NUP155: variants seen among roughly 807,000 people sequenced by gnomAD.
The protein encoded by NUP155 is nuclear pore complex protein Nup155.
In NUP155, 71 loss-of-function variants were observed where a neutral mutation model predicts 180.4. The observed-to-expected ratio is 0.39, with a 90% CI of 0.33 to 0.48. The LOEUF is 0.48. Among genes scored for constraint, NUP155 ranks in the 20% least tolerant of loss-of-function variants. The probability of loss-of-function intolerance (pLI) is 0.91; values close to 1 mark genes in which losing one functional copy is unlikely to be tolerated. For missense variants in NUP155, 1,553 were observed against 1,648.9 expected (o/e 0.94, Z 1.01); for synonymous variants, 582 against 559.5 (o/e 1.04, Z -0.57).
intron 20 of NUP155, among the ~76,000 whole-genome samples, chr5:37,323,684 AAATAT>A (rs1744398256): frequency 6.7e-6 from 1 of 149,580 alleles, no homozygotes; most frequent in Non-Finnish European, 1.5e-5. Flanking sequence ...GTAATATATA[AAATAT>A]AATATTTATA....
chr5:37,331,891 CA>C (rs985679857), intron 13 of NUP155, 96 bp from the exon 14 acceptor site: 21 of 780,474 alleles, frequency 2.7e-5, no homozygotes, highest in Admixed American at 1.2e-4. Flanking sequence ...ATGAAACAAA[CA>C]AAAAAAACCA....
intron 20 of NUP155, 139 bp from the exon 21 acceptor site, chr5:37,318,224 A>G: frequency 1.5e-6 from 1 of 666,188 alleles, no homozygotes; most frequent in South Asian, 1.6e-5. Context: ...AGAAGGGCTG[A>G]TGGCCAGAAA....
chr5:37,327,961 T>A, intron 17 of NUP155, among the ~76,000 whole-genome samples, 185 bp from the exon 18 acceptor site: 1 of 152,174 alleles, frequency 6.6e-6, no homozygotes. Context: ...TACATAGATA[T>A]TTAACTTGGT....
At chr5:37,314,360 A>G in intron 21 of NUP155, 32 bp from the exon 22 acceptor site, 1 of 1,491,448 alleles carries the variant, frequency 6.7e-7, no homozygotes. Flanking sequence ...TTATTATAAA[A>G]TAACATAGGT....
Position 37,348,568 on chromosome 5 carries a change from C to T in NUP155, c.932G>A (p.Gly311Glu). Residue 311 changes from glycine (G) to glutamate (E), a missense_variant, in exon 9 of 35, where the codon GGA (glycine) becomes GAA (glutamate). By Grantham distance (98) the Gly-to-Glu change is moderately conservative. Transcript: ENST00000231498. The part of the protein sequence containing the change: ...QVYDLGQDGQ[G>E]MSRVASVSQN... ...TGACACAGAGGCAACTCTGCTCATT[C>T]CTTGTCCATCTTGTCCCAAATCATA... 1 of 1,611,866 alleles carries T rather than the reference C, an allele frequency of 6.2e-7. No homozygotes were observed. The highest frequency in any genetic ancestry group is 2.2e-5 in the East Asian group (1 of 44,846).
At chr5:37,368,477 C>A (rs2111766218) in intron 1 of NUP155, among the ~76,000 whole-genome samples, 1 of 151,776 alleles carries the variant, frequency 6.6e-6, no homozygotes, top group East Asian at 1.9e-4. Flanking sequence ...AAGTAATCTG[C>A]CCACTTTGGC....
chr5:37,344,520 G>A (rs1745949901), intron 9 of NUP155, among the ~76,000 whole-genome samples: 1 of 149,888 alleles, frequency 6.7e-6, no homozygotes, highest in Admixed American at 6.6e-5. Context: ...GGTGGCCAGG[G>A]GGCTGTTTTA....
intron 23 of NUP155, chr5:37,309,494 C>A (rs1377912795): frequency 1.2e-5 from 6 of 495,102 alleles, no homozygotes; most frequent in Non-Finnish European, 2.2e-5. Context: ...GAACTTTTGT[C>A]TGGTAATTCT....
At chr5:37,328,027 C>T (rs1369680006) in intron 17 of NUP155, among the ~76,000 whole-genome samples, 1 of 152,110 alleles carries the variant, frequency 6.6e-6, no homozygotes, top group Non-Finnish European at 1.5e-5. Flanking sequence ...GATAGACTTG[C>T]AAGTGTTCAC....
At chr5:37,313,959 T>C (rs1743696346) in intron 22 of NUP155, among the ~76,000 whole-genome samples, 1 of 151,952 alleles carries the variant, frequency 6.6e-6, no homozygotes, top group Non-Finnish European at 1.5e-5. Context: ...TCCACTGTTT[T>C]AAAAAATATG....
In NUP155 at chr5:37,309,115, AT is replaced by A; in HGVS notation, c.2767+13del. 6.2e-7 allele frequency: 1 copy of A among 1,612,072 alleles called. No individual in the cohort carries two copies. The highest frequency in any genetic ancestry group is 8.5e-7 in the Non-Finnish European group (1 of 1,179,414). On this transcript the variant is annotated intron_variant, in intron 24 of 34. Coordinates refer to ENST00000231498, the MANE Select transcript of NUP155 (RefSeq NM_153485.3). ...GAGTTGAGTAAAAGATACAAGAAAC[AT>A]TTTATTTCTCACCTTGTCTATACTG... is the stretch of plus-strand genomic sequence containing the variant.
intron 11 of NUP155, among the ~76,000 whole-genome samples, chr5:37,339,817 G>C (rs1038513976): frequency 6.6e-6 from 1 of 152,154 alleles, no homozygotes; most frequent in Non-Finnish European, 1.5e-5. Flanking sequence ...ATGCTAGAGT[G>C]CAGCGGTAGG....
At chr5:37,351,798 A>G (rs561981328) in intron 5 of NUP155, among the ~76,000 whole-genome samples, 1 of 151,804 alleles carries the variant, frequency 6.6e-6, no homozygotes, top group African/African-American at 2.4e-5. Flanking sequence ...TCTATAATAT[A>G]CATTTTAAAA....
intron 1 of NUP155, among the ~76,000 whole-genome samples, chr5:37,370,203 C>G (rs1353232888): frequency 6.6e-6 from 1 of 152,106 alleles, no homozygotes; most frequent in East Asian, 1.9e-4. Context: ...AACCCCGTCT[C>G]TACTTAAAAA....
chr5:37,337,055 G>T (rs1378837611), intron 12 of NUP155, among the ~76,000 whole-genome samples: 1 of 152,132 alleles, frequency 6.6e-6, no homozygotes, highest in Non-Finnish European at 1.5e-5. Context: ...CAGGAGGACA[G>T]GCAGGAGTGA....
intron 29 of NUP155, among the ~76,000 whole-genome samples, chr5:37,302,485 C>T (rs897499125): frequency 3.9e-5 from 6 of 152,216 alleles, no homozygotes; most frequent in East Asian, 1.9e-4. Flanking sequence ...CTGGCTGCCT[C>T]GGCCTCCCAA....
At position 37,291,889 on chromosome 5, in the gene NUP155, T is replaced by TATC. The variant is rs1309562453; in HGVS notation, c.*8_*10dup. On this transcript the variant is annotated 3_prime_UTR_variant, in exon 35 of 35. Transcript: ENST00000231498. ...ACAGATCATAAAACGGATGAAAGTA[T>TATC]ATCACAGTAATTAATGAAGCCGTTC... 6.2e-7 allele frequency: 1 copy of TATC among 1,612,970 alleles called. No homozygotes were observed. Among genetic ancestry groups the TATC allele is most frequent in the Non-Finnish European group, 8.5e-7 (1 of 1,179,142 alleles).
chr5:37,319,521 T>C (rs1744109733), intron 20 of NUP155, among the ~76,000 whole-genome samples: 1 of 152,250 alleles, frequency 6.6e-6, no homozygotes, highest in Admixed American at 6.5e-5. Flanking sequence ...AACTCACTTA[T>C]TGAATATGGT....
intron 4 of NUP155, among the ~76,000 whole-genome samples, chr5:37,355,547 G>GTGTGTATATATATATA (rs977072922): frequency 2.0e-5 from 3 of 147,390 alleles, no homozygotes; most frequent in Middle Eastern, 6.9e-3. Context: ...GTGTGTGTGT[G>GTGTGTATATATATATA]TATATATATA....
Sources: gnomAD v4.1 joint callset for allele counts (sites outside exome capture counted in the v4.1 genomes callset) on GRCh38, gnomAD v4.1.1 for gene constraint, MANE v1.5 for transcripts, NCBI Gene and HGNC (gene_info 2026-07-23, HGNC 2026-07-21) for gene names.